The following RRP1B variants were observed in gnomAD, a reference collection of about 807,000 sequenced individuals.
RRP1B encodes ribosomal RNA processing protein 1 homolog B.
In RRP1B, 56 loss-of-function variants were observed where a neutral mutation model predicts 80.2. The ratio of observed to expected loss-of-function variants is 0.70; its 90% CI spans 0.56 to 0.87. RRP1B has a LOEUF of 0.87. Among genes scored for constraint, RRP1B ranks in the 40% least tolerant of loss-of-function variants. The pLI, the probability that RRP1B is intolerant of heterozygous loss-of-function variation, is 0.00. For missense variants in RRP1B, 807 were observed against 939.8 expected (o/e 0.86, Z 1.85); for synonymous variants, 351 against 357.6 (o/e 0.98, Z 0.21).
chr21:43,660,972 A>T (rs187743059), intron 1 of RRP1B, among the ~76,000 whole-genome samples: 2 of 152,356 alleles, frequency 1.3e-5, no homozygotes, highest in Admixed American at 6.5e-5. Flanking sequence ...ATAAAGTTTT[A>T]TTTAGTTACT....
chr21:43,682,639 C>T (rs558424555), intron 8 of RRP1B, among the ~76,000 whole-genome samples: 12 of 152,342 alleles, frequency 7.9e-5, no homozygotes, highest in African/African-American at 2.6e-4. Flanking sequence ...GTGTCCCATC[C>T]GCTTGCCTGC....
intron 1 of RRP1B, among the ~76,000 whole-genome samples, chr21:43,668,571 G>A (rs2082987634): frequency 6.6e-6 from 1 of 151,972 alleles, no homozygotes; most frequent in Admixed American, 6.6e-5. Context: ...GGGTTTCACT[G>A]TGTTAGTGAG....
intron 4 of RRP1B, 51 bp downstream of exon 4, chr21:43,674,006 C>T: frequency 7.4e-7 from 1 of 1,345,312 alleles, no homozygotes; most frequent in Admixed American, 1.9e-5. Context: ...AAAGAATGTC[C>T]TTTATCTTAA....
chr21:43,664,908 C>G (rs115845960), intron 1 of RRP1B, among the ~76,000 whole-genome samples: 4,817 of 151,652 alleles, frequency 0.032, 269 homozygotes, highest in African/African-American at 0.11. Context: ...GAGAAAAACC[C>G]GTCCCCGTGA....
chr21:43,669,735 T>C (rs540572755), intron 1 of RRP1B, 149 bp from the exon 2 acceptor site: 1 of 551,000 alleles, frequency 1.8e-6, no homozygotes, highest in Non-Finnish European at 3.2e-6. Context: ...TGTGTTTCTT[T>C]TATAACAATA....
chr21:43,681,301 T>C (rs1318301283), intron 8 of RRP1B, among the ~76,000 whole-genome samples: 1 of 144,166 alleles, frequency 6.9e-6, no homozygotes, highest in East Asian at 2.0e-4. Context: ...GATAGATAGA[T>C]AGAATCAAGA....
intron 13 of RRP1B, 74 bp from the exon 14 acceptor site, chr21:43,690,214 T>A (rs2083080904): frequency 6.4e-7 from 1 of 1,552,524 alleles, no homozygotes; most frequent in East Asian, 2.3e-5. Context: ...TGCCTTCCCC[T>A]CCTGTGTGTG....
intron 8 of RRP1B, among the ~76,000 whole-genome samples, 170 bp from the exon 9 acceptor site, chr21:43,683,109 G>A (rs1395728362): frequency 2.0e-5 from 3 of 152,176 alleles, no homozygotes; most frequent in Non-Finnish European, 4.4e-5. Flanking sequence ...CTGGCCTCAA[G>A]TGATCCACCC....
At position 43,688,105 on chromosome 21, in the gene RRP1B, C is replaced by T. The variant is rs780555400; in HGVS notation, c.1731C>T (p.Pro577=). The change falls in exon 13 of 16, where the codon CCC becomes CCT. Residue 577 remains proline, a synonymous_variant. Transcript: ENST00000340648. ...RRRLQKKKAG[P]GSLELCGLPS... ...GGCTGCAGAAAAAGAAGGCAGGGCC[C>T]GGCAGCCTGGAGCTCTGTGGCCTGC... 119 of 1,603,194 alleles carry T rather than the reference C, an allele frequency of 7.4e-5. No homozygotes were observed. Among genetic ancestry groups the T allele is most frequent in the African/African-American group, 2.0e-4 (15 of 74,668 alleles).
At chr21:43,677,638 TAGA>T (rs1477642330) in intron 8 of RRP1B, among the ~76,000 whole-genome samples, 2 of 152,372 alleles carry the variant, frequency 1.3e-5, no homozygotes, top group African/African-American at 2.4e-5. Flanking sequence ...AAACTCTACA[TAGA>T]AGGAGTCTGA....
intron 8 of RRP1B, among the ~76,000 whole-genome samples, chr21:43,681,257 T>C (rs907789100): frequency 9.5e-5 from 13 of 137,290 alleles, no homozygotes; most frequent in African/African-American, 8.2e-5. Context: ...AATAAATAAA[T>C]AAACAGATAG....
intron 1 of RRP1B, among the ~76,000 whole-genome samples, chr21:43,665,141 AT>A (rs2082973601): frequency 6.6e-6 from 1 of 152,250 alleles, no homozygotes; most frequent in Admixed American, 6.5e-5. Context: ...TGGGCTATCC[AT>A]AGCAGATGCT....
intron 13 of RRP1B, among the ~76,000 whole-genome samples, chr21:43,688,528 C>T (rs2083073595): frequency 1.3e-5 from 2 of 152,226 alleles, no homozygotes; most frequent in South Asian, 4.1e-4. Context: ...GGCACTCCTG[C>T]CCCAGGCGTG....
chr21:43,681,806 C>T (rs965824087), intron 8 of RRP1B, among the ~76,000 whole-genome samples: 1 of 150,976 alleles, frequency 6.6e-6, no homozygotes, highest in Non-Finnish European at 1.5e-5. Context: ...TTAAAATTAG[C>T]CAAGCGTGAT....
In RRP1B at chr21:43,687,571, A is replaced by C. The variant is rs534629529; in HGVS notation, c.1197A>C (p.Arg399Ser). The change falls in exon 13 of 16, where the codon AGA becomes AGC. Residue 399 changes from arginine (R) to serine (S), a missense_variant. Coordinates refer to ENST00000340648, the MANE Select transcript of RRP1B (RefSeq NM_015056.3). ...ACAGTGAAAGCAGTCTTCAAAAGAG[A>C]AGAAGGAAGAAGAAGAAGAAGCACC... ...EEDSESSLQK[R>S]RRKKKKKHHL... 1 of 1,505,518 alleles carries C rather than the reference A, an allele frequency of 6.6e-7. No homozygotes were observed. Among genetic ancestry groups the C allele is most frequent in the Non-Finnish European group, 8.8e-7 (1 of 1,134,826 alleles). 93.3% of individuals were successfully genotyped at this position (1,505,518 alleles called of 1,614,324 possible). A position where few individuals can be genotyped will look rare whatever the true frequency, so the allele number is the denominator to read the frequency against.
At chr21:43,689,741 C>T (rs773332737) in intron 13 of RRP1B, among the ~76,000 whole-genome samples, 9 of 152,256 alleles carry the variant, frequency 5.9e-5, no homozygotes, top group Non-Finnish European at 1.0e-4. Flanking sequence ...CCCTGCCCTC[C>T]AGGCGGCACA....
At chr21:43,683,134 A>C in intron 8 of RRP1B, 145 bp from the exon 9 acceptor site, 1 of 576,728 alleles carries the variant, frequency 1.7e-6, no homozygotes, top group Non-Finnish European at 3.1e-6. Flanking sequence ...CAGCCTCCCA[A>C]AGTGCTAGAA....
Position 43,687,081 on chromosome 21 carries a change from C to T in RRP1B, c.1141+146C>T, listed in dbSNP as rs536748832. The stretch of plus-strand genomic sequence containing the variant: ...GTCTTTAATGGCTGAGAGGTAAAGG[C>T]GGTTTTCCAAGTGTTGTGCTGTTTT... On this transcript the variant is annotated intron_variant, in intron 12 of 15. Transcript: ENST00000340648. The T allele has an allele frequency of 3.8e-5, 37 of 979,098 alleles. No individual in the cohort carries two copies. In the African/African-American group the frequency reaches 4.1e-4, roughly 11 times the overall value. 60.7% of individuals were successfully genotyped at this position (979,098 alleles called of 1,614,324 possible).
chr21:43,673,808 C>A, intron 3 of RRP1B, 62 bp from the exon 4 acceptor site: 1 of 985,002 alleles, frequency 1.0e-6, no homozygotes. Context: ...TCATTATTTT[C>A]TTGCTATATG....
Sources: gnomAD v4.1 joint callset for allele counts (sites outside exome capture counted in the v4.1 genomes callset) on GRCh38, gnomAD v4.1.1 for gene constraint, MANE v1.5 for transcripts, NCBI Gene and HGNC (gene_info 2026-07-23, HGNC 2026-07-21) for gene names.